Variants in TRIM55 observed in about 807,000 individuals in gnomAD.
TRIM55 encodes the protein tripartite motif-containing protein 55.
TRIM55 carries 50 observed loss-of-function variants against 60.9 expected under a neutral mutation model. That is an observed-to-expected ratio of 0.82 (90% confidence interval 0.65 to 1.04). The LOEUF is 1.04. Among genes scored for constraint, TRIM55 ranks in the 50% least tolerant of loss-of-function variants. TRIM55 has a pLI of 0.00. For synonymous variants in TRIM55, 237 were observed against 238.1 expected (o/e 1.00, Z 0.04); for missense variants, 681 against 666.9 (o/e 1.02, Z -0.23).
chr8:66,126,445 A>G (rs1342353863), upstream of TRIM55, among the ~76,000 whole-genome samples: 1 of 152,250 alleles, frequency 6.6e-6, no homozygotes, highest in Non-Finnish European at 1.5e-5. Context: ...AAGAGCAAAC[A>G]GCATACTAGA....
chr8:66,147,813 A>ACAC lies in TRIM55; in HGVS notation c.604-1832_604-1831insCAC, dbSNP rs1308616501. Among the ~76,000 whole-genome samples the ACAC allele has an allele frequency of 1.7e-4, 25 of 144,528 alleles. 1 individual carries two copies. Among genetic ancestry groups the ACAC allele is most frequent in the African/African-American group, 5.1e-4 (19 of 36,978 alleles). 94.8% of individuals were successfully genotyped at this position (144,528 alleles called of 152,430 possible). ...CCATCTCAAAAAAAAAAAAAAAAAAAAAAACCACAAAATCTATTCAACAGA... is the reference window on the plus strand; with the variant it reads ...CCATCTCAAAAAAAAAAAAAAAAAAACACAAAACCACAAAATCTATTCAACAGA... On this transcript the variant is annotated intron_variant, in intron 4 of 9. Coordinates refer to ENST00000315962, the MANE Select transcript of TRIM55 (RefSeq NM_184085.2).
At chr8:66,170,293 A>G (rs1373084015) in intron 9 of TRIM55, among the ~76,000 whole-genome samples, 3 of 152,314 alleles carry the variant, frequency 2.0e-5, no homozygotes, top group Middle Eastern at 3.4e-3. Flanking sequence ...CTGTCTATGA[A>G]TTTGACCATC....
rs1204869896 is a variant in TRIM55 at position 66,159,777 on chromosome 8, G to A, written c.1524+5443G>A. On this transcript the variant is annotated intron_variant, in intron 9 of 9. Transcript: ENST00000315962. Reference sequence around the variant, plus strand: ...TGGTTTCTCCTTGTGGTTTTAATTTGCATTTTGACAAAGACTAATGGTTAG... The same window carrying A: ...TGGTTTCTCCTTGTGGTTTTAATTTACATTTTGACAAAGACTAATGGTTAG... Among the ~76,000 whole-genome samples, 5 of 152,072 alleles carry A rather than the reference G, an allele frequency of 3.3e-5. No individual in the cohort carries two copies. The East Asian group carries it at 9.6e-4, about 29-fold the overall frequency.
intron 9 of TRIM55, among the ~76,000 whole-genome samples, chr8:66,162,471 T>C (rs977684541): frequency 1.3e-5 from 2 of 151,888 alleles, no homozygotes; most frequent in Admixed American, 1.3e-4. Context: ...GATATTGGTC[T>C]GTAGTTTTTT....
intron 9 of TRIM55, among the ~76,000 whole-genome samples, chr8:66,173,631 C>T (rs562329660): frequency 2.6e-5 from 4 of 152,288 alleles, no homozygotes; most frequent in South Asian, 2.1e-4. Flanking sequence ...CTAGGAAGGA[C>T]GGTGTTTGTC....
chr8:66,125,195 C>T (rs1325087251), upstream of TRIM55, among the ~76,000 whole-genome samples: 6 of 152,240 alleles, frequency 3.9e-5, no homozygotes, highest in South Asian at 2.1e-4. Flanking sequence ...CCTCCTGGCA[C>T]GCGCCCTTAA....
chr8:66,137,236 C>T (rs1476012792), intron 4 of TRIM55, 46 bp downstream of exon 4: 6 of 1,473,240 alleles, frequency 4.1e-6, no homozygotes, highest in Non-Finnish European at 5.7e-6. Flanking sequence ...CCTGCAATGC[C>T]TGGGGGTTTA....
At chr8:66,114,290 C>G in the TRIM55 span, among the ~76,000 whole-genome samples, 1 of 152,086 alleles carries the variant, frequency 6.6e-6, no homozygotes, top group Admixed American at 6.5e-5. Flanking sequence ...TACGGTTTTT[C>G]TTTCGATTCT....
chr8:66,157,468 C>G (rs904437506), intron 9 of TRIM55, among the ~76,000 whole-genome samples: 6 of 152,124 alleles, frequency 3.9e-5, no homozygotes, highest in African/African-American at 1.4e-4. Flanking sequence ...CCCAGTTTAC[C>G]AGATTCATAT....
Position 66,137,112 on chromosome 8 carries a change from C to T in TRIM55, c.525C>T (p.Gly175=). The T allele has an allele frequency of 6.2e-7, 1 of 1,614,036 alleles. No individual in the cohort carries two copies. The highest frequency in any genetic ancestry group is 8.5e-7 in the Non-Finnish European group (1 of 1,179,944). ...TTCATTAGTCTGAGCTCAGTGATGG[C>T]ATCGCCATCCTCGTGGGCAGCAACG... ...FQRQKSELSD[G]IAILVGSNDR... is the part of the protein sequence containing the mutation. Residue 175 remains glycine (G), a synonymous_variant, in exon 4 of 10, where the codon GGC becomes GGT. Coordinates refer to ENST00000315962, the MANE Select transcript of TRIM55 (RefSeq NM_184085.2).
intron 2 of TRIM55, among the ~76,000 whole-genome samples, chr8:66,130,807 C>T (rs989489033): frequency 2.0e-5 from 3 of 151,872 alleles, no homozygotes; most frequent in African/African-American, 7.3e-5. Flanking sequence ...ACTACAGGCA[C>T]CTGCCACCAC....
chr8:66,127,357 T>G lies in TRIM55; in HGVS notation c.89T>G (p.Leu30Ter). 6.2e-7 allele frequency: 1 copy of G among 1,614,132 alleles called. No homozygotes were observed. Among genetic ancestry groups the G allele is most frequent in the Non-Finnish European group, 8.5e-7 (1 of 1,180,022 alleles). ...AAGCAACTCATCTGTCCCATCTGCT[T>G]AGAGATGTTCACGAAACCTGTGGTG... ...LEKQLICPIC[L>*]EMFTKPVVIL... Residue 30 changes from leucine (L) to a stop codon, truncating the protein, a stop_gained, in exon 1 of 10, where the codon TTA (leucine) becomes TGA (stop). Transcript: ENST00000315962. LOFTEE classifies it high-confidence loss of function.
At chr8:66,143,392 T>C (rs1398716038) in intron 4 of TRIM55, among the ~76,000 whole-genome samples, 2 of 152,234 alleles carry the variant, frequency 1.3e-5, no homozygotes, top group Admixed American at 6.5e-5. Flanking sequence ...CATAGCCTAA[T>C]GACTCTCTGA....
intron 7 of TRIM55, among the ~76,000 whole-genome samples, 159 bp downstream of exon 7, chr8:66,150,625 A>G (rs1446022163): frequency 2.0e-5 from 3 of 151,818 alleles, no homozygotes; most frequent in African/African-American, 7.3e-5. Context: ...TCATTACAGG[A>G]TCACATCGTT....
intron 3 of TRIM55, among the ~76,000 whole-genome samples, chr8:66,136,070 A>C (rs1468963416): frequency 6.6e-6 from 1 of 152,244 alleles, no homozygotes; most frequent in Admixed American, 6.5e-5. Context: ...GCTAGTGGCC[A>C]CTAAGTCCTA....
At chr8:66,136,227 C>T (rs1004360387) in intron 3 of TRIM55, among the ~76,000 whole-genome samples, 3 of 152,180 alleles carry the variant, frequency 2.0e-5, no homozygotes, top group African/African-American at 7.2e-5. Flanking sequence ...TCCTTCAGAG[C>T]CTGGAGACTC....
intron 7 of TRIM55, 54 bp from the exon 8 acceptor site, chr8:66,152,323 G>T (rs969283661): frequency 6.5e-7 from 1 of 1,529,130 alleles, no homozygotes; most frequent in Non-Finnish European, 8.8e-7. Context: ...CATTAACTGT[G>T]TCCATGGCTG....
intron 4 of TRIM55, among the ~76,000 whole-genome samples, chr8:66,141,008 C>T (rs1454247272): frequency 1.3e-5 from 2 of 152,146 alleles, no homozygotes; most frequent in Admixed American, 6.5e-5. Context: ...TGACACCTGC[C>T]CCAGAGCCCT....
the TRIM55 span, among the ~76,000 whole-genome samples, chr8:66,117,895 G>A: frequency 6.6e-6 from 1 of 151,910 alleles, no homozygotes; most frequent in Admixed American, 6.6e-5. Context: ...GGCCGGGCAC[G>A]GTGGCTCAAG....
Sources: gnomAD v4.1 joint callset for allele counts (sites outside exome capture counted in the v4.1 genomes callset) on GRCh38, gnomAD v4.1.1 for gene constraint, MANE v1.5 for transcripts, NCBI Gene and HGNC (gene_info 2026-07-23, HGNC 2026-07-21) for gene names.